MKLN1: variants seen among roughly 807,000 people sequenced by gnomAD.
MKLN1 encodes muskelin.
Under a neutral mutation model 99.0 loss-of-function variants are expected in MKLN1, and 18 were observed. The observed-to-expected ratio is 0.18, with a 90% confidence interval of 0.13 to 0.27. MKLN1 has a LOEUF of 0.27. Ranked by LOEUF, MKLN1 falls within the 10% of genes least tolerant of loss-of-function variation. The pLI is 1.00. For synonymous variants in MKLN1, 288 were observed against 293.2 expected (o/e 0.98, Z 0.18); for missense variants, 621 against 875.9 (o/e 0.71, Z 3.67).
intron 12 of MKLN1, among the ~76,000 whole-genome samples, chr7:131,462,538 G>C (rs1254295531): frequency 6.6e-6 from 1 of 151,970 alleles, no homozygotes; most frequent in Non-Finnish European, 1.5e-5. Context: ...CCTTCCTTAT[G>C]TAAAAATGAT....
rs568847975 is a variant in MKLN1 at position 131,306,194 on chromosome 7, T to A, written c.-178-69230T>A. On this transcript the variant is annotated intron_variant, in intron 3 of 7. Coordinates refer to the MKLN1 transcript ENST00000416992. ...CCAGCCATGTGAAACTGTGAGTCAA[T>A]TAAACCTCCTTTCTTCATAAATTAC... 2.6e-5 allele frequency among the ~76,000 whole-genome samples: 4 copies of A among 152,336 alleles called. No individual in the cohort carries two copies. The South Asian group carries it at 8.3e-4, about 32-fold the overall frequency.
intron 14 of MKLN1, among the ~76,000 whole-genome samples, chr7:131,465,603 A>G (rs988827023): frequency 6.6e-6 from 1 of 152,090 alleles, no homozygotes; most frequent in Non-Finnish European, 1.5e-5. Context: ...CAGTGGCGCA[A>G]TCTCTGCTCA....
chr7:131,246,563 C>A (rs962604011), intron 3 of MKLN1, among the ~76,000 whole-genome samples: 4 of 151,794 alleles, frequency 2.6e-5, no homozygotes, highest in African/African-American at 9.7e-5. Context: ...GCAGTCTTTG[C>A]CTTTTAATTA....
At chr7:131,305,770 CT>C (rs1370746671) in intron 3 of MKLN1, among the ~76,000 whole-genome samples, 3 of 152,204 alleles carry the variant, frequency 2.0e-5, no homozygotes, top group Non-Finnish European at 4.4e-5. Flanking sequence ...CTGCTTACCC[CT>C]GGCACATCAC....
chr7:131,452,544 CTTTTTTTTTT>C (rs1159344518), intron 12 of MKLN1, among the ~76,000 whole-genome samples: 29 of 70,364 alleles, frequency 4.1e-4, no homozygotes, highest in Middle Eastern at 0.013. Context: ...TCCTTTTATA[CTTTTTTTTTT>C]TTTTTTTTTT....
chr7:131,120,100 G>A (rs1467615447), intron 1 of MKLN1, among the ~76,000 whole-genome samples: 4 of 150,276 alleles, frequency 2.7e-5, no homozygotes, highest in African/African-American at 4.9e-5. Context: ...GAACCTGGGA[G>A]GCGGAGCTTG....
intron 3 of MKLN1, among the ~76,000 whole-genome samples, chr7:131,240,515 T>A (rs1415376259): frequency 6.6e-6 from 1 of 152,202 alleles, no homozygotes; most frequent in African/African-American, 2.4e-5. Flanking sequence ...TACTATCTAA[T>A]ATAGATAAAA....
chr7:131,349,627 G>T (rs1699758670), intron 1 of MKLN1, among the ~76,000 whole-genome samples: 1 of 152,194 alleles, frequency 6.6e-6, no homozygotes, highest in Admixed American at 6.5e-5. Flanking sequence ...AAAAGGGATA[G>T]TTCTTTGTTT....
chr7:131,184,967 C>A (rs938309996), intron 2 of MKLN1, among the ~76,000 whole-genome samples: 11 of 152,192 alleles, frequency 7.2e-5, no homozygotes, highest in African/African-American at 2.7e-4. Flanking sequence ...GTATAACTTG[C>A]CTGCCATCAG....
intron 2 of MKLN1, among the ~76,000 whole-genome samples, chr7:131,174,507 T>C (rs552955919): frequency 6.6e-6 from 1 of 152,328 alleles, no homozygotes; most frequent in East Asian, 1.9e-4. Context: ...ACCCGTTTTC[T>C]CTTCTTAATC....
rs760191198 is a variant in MKLN1, at chr7:131,439,627, T to C, written c.1173+1630T>C. Among the ~76,000 whole-genome samples, 26 of 152,220 alleles carry C rather than the reference T, an allele frequency of 1.7e-4. 1 individual carries two copies. The highest frequency in any genetic ancestry group is 2.1e-4 in the Non-Finnish European group (14 of 68,028). ...ATGACACTCCAAAAATAGCTTGTGG[T>C]GTTCATGACAATTTAGGATTTAACA... On this transcript the variant is annotated intron_variant, in intron 10 of 17. Coordinates refer to ENST00000352689, the MANE Select transcript of MKLN1 (RefSeq NM_013255.5).
intron 3 of MKLN1, among the ~76,000 whole-genome samples, chr7:131,240,870 A>G (rs1797391692): frequency 6.6e-6 from 1 of 152,218 alleles, no homozygotes. Flanking sequence ...AGACACAGAA[A>G]TGTGTATATA....
intron 3 of MKLN1, among the ~76,000 whole-genome samples, chr7:131,292,895 A>G (rs1288888521): frequency 6.6e-6 from 1 of 152,222 alleles, no homozygotes; most frequent in African/African-American, 2.4e-5. Context: ...CACTTAATCA[A>G]GTTTCAAGCT....
chr7:131,121,372 C>T (rs1406368665), intron 1 of MKLN1, among the ~76,000 whole-genome samples: 1 of 152,100 alleles, frequency 6.6e-6, no homozygotes. Flanking sequence ...AGATGCAGCA[C>T]CACGTTTGTA....
chr7:131,168,869 CTTT>C (rs61416767), intron 2 of MKLN1, among the ~76,000 whole-genome samples: 19 of 139,206 alleles, frequency 1.4e-4, no homozygotes, highest in Admixed American at 2.9e-4. Flanking sequence ...TCGTTGTTTT[CTTT>C]TTTTTTTTTT....
chr7:131,342,354 C>T (rs2116731163), intron 1 of MKLN1, among the ~76,000 whole-genome samples: 1 of 152,220 alleles, frequency 6.6e-6, no homozygotes, highest in South Asian at 2.1e-4. Context: ...GAATTAGCTC[C>T]CTGCCTTCAT....
chr7:131,302,850 A>G (rs914554136), intron 3 of MKLN1, among the ~76,000 whole-genome samples: 4 of 152,174 alleles, frequency 2.6e-5, no homozygotes, highest in African/African-American at 7.2e-5. Flanking sequence ...CCTAGTCCAC[A>G]CTGGGTGGAT....
chr7:131,229,673 C>T (rs190786740), intron 3 of MKLN1, among the ~76,000 whole-genome samples: 2 of 152,002 alleles, frequency 1.3e-5, no homozygotes, highest in African/African-American at 2.4e-5. Context: ...CTTCTGCTTC[C>T]GCATCCTGAG....
At chr7:131,117,596 A>G (rs1795297813) in intron 1 of MKLN1, among the ~76,000 whole-genome samples, 1 of 152,266 alleles carries the variant, frequency 6.6e-6, no homozygotes, top group Admixed American at 6.5e-5. Context: ...AATGAAGAAC[A>G]ACGTGTATTT....
Sources: gnomAD v4.1 joint callset for allele counts (sites outside exome capture counted in the v4.1 genomes callset) on GRCh38, gnomAD v4.1.1 for gene constraint, MANE v1.5 for transcripts, NCBI Gene and HGNC (gene_info 2026-07-23, HGNC 2026-07-21) for gene names.